The following SSTR4 variants were observed in gnomAD, a reference collection of about 807,000 sequenced individuals.
The protein encoded by SSTR4 is somatostatin receptor 4, also known as somatostatin receptor type 4.
For synonymous variants in SSTR4, 272 were observed against 246.3 expected, an observed-to-expected ratio of 1.10 and a Z score of -0.98; for missense variants, 649 against 540.6, an observed-to-expected ratio of 1.20 and a Z score of -1.99.
Position 23,036,372 on chromosome 20 carries a change from C to A in SSTR4, c.889C>A (p.Leu297Ile), listed in dbSNP as rs761434389. The change falls in exon 1 of 1, where the codon CTT (leucine) becomes ATT (isoleucine). Residue 297 changes from leucine (L) to isoleucine (I), a missense_variant. Physicochemically the swap from Leu to Ile is conservative, Grantham distance 5 (BLOSUM62 2). Coordinates refer to ENST00000255008, the MANE Select transcript of SSTR4 (RefSeq NM_001052.4). ...SLDATVNHVS[L>I]ILSYANSCAN... is the part of the protein sequence containing the mutation. ...TGATGCCACCGTCAACCACGTGTCC[C>A]TTATCCTTAGCTATGCCAACAGCTG... 6.8e-6 allele frequency: 11 copies of A among 1,614,026 alleles called. No homozygotes were observed. The highest frequency in any genetic ancestry group is 9.3e-6 in the Non-Finnish European group (11 of 1,180,020).
rs375423682 is a variant in SSTR4, at chr20:23,036,199, G to A, written c.716G>A (p.Arg239His). The change falls in exon 1 of 1, where the codon CGC becomes CAC. Residue 239 changes from arginine to histidine, a missense_variant. Arg to His is a conservative substitution (Grantham distance 29). Transcript: ENST00000255008. ...TACCTGCTCATCGTGGGCAAGATGC[G>A]CGCCGTGGCCCTGCGCGCTGGCTGG... ...LCYLLIVGKM[R>H]AVALRAGWQQ... 4 of 1,612,608 alleles carry A rather than the reference G, an allele frequency of 2.5e-6. No homozygotes were observed. The highest frequency in any genetic ancestry group is 3.3e-5 in the Admixed American group (2 of 59,910).
chr20:23,036,613 G>A lies in SSTR4; in HGVS notation c.1130G>A (p.Arg377His), dbSNP rs547237308. The change falls in exon 1 of 1, where the codon CGC (arginine) becomes CAC (histidine). Residue 377 changes from arginine (R) to histidine (H), a missense_variant. Coordinates refer to ENST00000255008, the MANE Select transcript of SSTR4 (RefSeq NM_001052.4). ...GAAGCCCTGCAACCAGAACCCGGCCGCAAGCGCATCCCCCTCACCAGGACC... is the reference window on the plus strand; with the variant it reads ...GAAGCCCTGCAACCAGAACCCGGCCACAAGCGCATCCCCCTCACCAGGACC... ...QQEALQPEPGRKRIPLTRTTT... is the reference protein window; with the variant it reads ...QQEALQPEPGHKRIPLTRTTT... 7 of 1,570,986 alleles carry A rather than the reference G, an allele frequency of 4.5e-6. No individual in the cohort carries two copies. The highest frequency in any genetic ancestry group is 3.6e-5 in the South Asian group (3 of 82,630).
At position 23,036,368 on chromosome 20, in the gene SSTR4, G is replaced by A. The variant is rs1449257855; in HGVS notation, c.885G>A (p.Val295=). ...GCCTTGATGCCACCGTCAACCACGT[G>A]TCCCTTATCCTTAGCTATGCCAACA... is the stretch of plus-strand genomic sequence containing the variant. The part of the protein sequence containing the change: ...VTSLDATVNH[V]SLILSYANSC... Residue 295 remains valine, a synonymous_variant, in exon 1 of 1, where the codon GTG becomes GTA. Coordinates refer to ENST00000255008, the MANE Select transcript of SSTR4 (RefSeq NM_001052.4). 1.2e-6 allele frequency: 2 copies of A among 1,613,998 alleles called. No individual in the cohort carries two copies. Among genetic ancestry groups the A allele is most frequent in the Admixed American group, 1.7e-5 (1 of 60,014 alleles).
Position 23,035,780 on chromosome 20 carries a change from C to T in SSTR4, c.297C>T (p.Ser99=). Residue 99 remains serine (S), a synonymous_variant, in exon 1 of 1, where the codon AGC becomes AGT. Transcript: ENST00000255008. ...LAVADELFML[S]VPFVASSAAL... ...TAGCCGACGAGCTCTTCATGCTGAG[C>T]GTGCCCTTCGTGGCCTCGTCGGCCG... 6.3e-7 allele frequency: 1 copy of T among 1,594,502 alleles called. No homozygotes were observed. Among genetic ancestry groups the T allele is most frequent in the Non-Finnish European group, 8.5e-7 (1 of 1,169,622 alleles).
rs370078614 is a variant in SSTR4 at position 23,035,933 on chromosome 20, C to A, written c.450C>A (p.His150Gln). The change falls in exon 1 of 1, where the codon CAC becomes CAA. Residue 150 changes from histidine (H) to glutamine (Q), a missense_variant. By Grantham distance (24) the His-to-Gln change is conservative. Transcript: ENST00000255008. ...LSVDRYVAVVHPLRAATYRRP... is the reference protein window; with the variant it reads ...LSVDRYVAVVQPLRAATYRRP... Reference sequence around the variant, plus strand: ...TGGACCGCTACGTGGCCGTGGTGCACCCTCTGCGCGCGGCGACCTACCGGC... The same window carrying A: ...TGGACCGCTACGTGGCCGTGGTGCAACCTCTGCGCGCGGCGACCTACCGGC... 1.2e-5 allele frequency: 19 copies of A among 1,612,164 alleles called. No homozygotes were observed. Among genetic ancestry groups the A allele is most frequent in the Non-Finnish European group, 1.6e-5 (19 of 1,179,568 alleles).
chr20:23,036,048 C>A lies in SSTR4; in HGVS notation c.565C>A (p.Pro189Thr). 1 of 1,582,594 alleles carries A rather than the reference C, an allele frequency of 6.3e-7. No individual in the cohort carries two copies. The highest frequency in any genetic ancestry group is 8.5e-7 in the Non-Finnish European group (1 of 1,170,702). ...CATCGCCATCTTCGCAGACACCAGA[C>A]CGGCTCGCGGCGGCCAGGCCGTGGC... ...LPIAIFADTR[P>T]ARGGQAVACN... is the part of the protein sequence containing the mutation. Residue 189 changes from proline (P) to threonine (T), a missense_variant, in exon 1 of 1, where the codon CCG becomes ACG. Physicochemically the swap from Pro to Thr is conservative, Grantham distance 38 (BLOSUM62 -1). Coordinates refer to ENST00000255008, the MANE Select transcript of SSTR4 (RefSeq NM_001052.4).
chr20:23,038,098 C>T lies in SSTR4; in HGVS notation c.*1448C>T, dbSNP rs1395409131. 6.6e-6 allele frequency: 1 copy of T among 152,242 alleles called. No homozygotes were observed. The highest frequency in any genetic ancestry group is 1.5e-5 in the Non-Finnish European group (1 of 68,052). The allele number at this position is 152,242 out of a possible 1,614,324, so 9.4% of individuals were successfully genotyped here. ...GCACACACACAGAGACATCAACCAT[C>T]TCTAATTTGTTGGCACCCACCAGGG... On this transcript the variant is annotated 3_prime_UTR_variant, in exon 1 of 1. Coordinates refer to ENST00000255008, the MANE Select transcript of SSTR4 (RefSeq NM_001052.4).
At position 23,036,188 on chromosome 20, in the gene SSTR4, G is replaced by A. The variant is rs943820753; in HGVS notation, c.705G>A (p.Val235=). 4 of 1,611,888 alleles carry A rather than the reference G, an allele frequency of 2.5e-6. No homozygotes were observed. In the African/African-American group the frequency reaches 5.3e-5, roughly 22 times the overall value. Residue 235 remains valine, a synonymous_variant, in exon 1 of 1, where the codon GTG becomes GTA. Transcript: ENST00000255008. ...LAIGLCYLLI[V]GKMRAVALRA... ...TTGGCCTGTGCTACCTGCTCATCGT[G>A]GGCAAGATGCGCGCCGTGGCCCTGC... is the stretch of plus-strand genomic sequence containing the variant.
In SSTR4 at chr20:23,035,955, C is replaced by T. The variant is rs946677383; in HGVS notation, c.472C>T (p.Arg158Trp). ...GCACCCTCTGCGCGCGGCGACCTACCGGCGGCCCAGCGTGGCCAAGCTCAT... is the reference window on the plus strand; with the variant it reads ...GCACCCTCTGCGCGCGGCGACCTACTGGCGGCCCAGCGTGGCCAAGCTCAT... ...VVHPLRAATY[R>W]RPSVAKLINL... Residue 158 changes from arginine to tryptophan, a missense_variant, in exon 1 of 1, where the codon CGG becomes TGG. Transcript: ENST00000255008. 8 of 1,609,574 alleles carry T rather than the reference C, an allele frequency of 5.0e-6. No individual in the cohort carries two copies. Among genetic ancestry groups the T allele is most frequent in the Non-Finnish European group, 6.8e-6 (8 of 1,178,902 alleles).
rs1425198530 is a variant in SSTR4 at position 23,035,801 on chromosome 20, G to T, written c.318G>T (p.Ser106=). The T allele has an allele frequency of 4.4e-6, 7 of 1,590,376 alleles. No homozygotes were observed. The highest frequency in any genetic ancestry group is 2.3e-5 in the East Asian group (1 of 44,322). ...FMLSVPFVAS[S]AALRHWPFGS... Reference sequence around the variant, plus strand: ...TGAGCGTGCCCTTCGTGGCCTCGTCGGCCGCCCTGCGCCACTGGCCCTTCG... The same window carrying T: ...TGAGCGTGCCCTTCGTGGCCTCGTCTGCCGCCCTGCGCCACTGGCCCTTCG... Residue 106 remains serine (S), a synonymous_variant, in exon 1 of 1, where the codon TCG becomes TCT. Coordinates refer to ENST00000255008, the MANE Select transcript of SSTR4 (RefSeq NM_001052.4).
chr20:23,035,542 C>G lies in SSTR4; in HGVS notation c.59C>G (p.Pro20Arg), dbSNP rs750072389. 1 of 1,593,808 alleles carries G rather than the reference C, an allele frequency of 6.3e-7. No individual in the cohort carries two copies. The highest frequency in any genetic ancestry group is 1.1e-5 in the South Asian group (1 of 89,572). ...GAGGAAGGGCTGGGGACGGCCTGGC[C>G]CTCTGCAGCCAATGCCAGTAGCGCT... ...GGEEGLGTAW[P>R]SAANASSAPA... The change falls in exon 1 of 1, where the codon CCC becomes CGC. Residue 20 changes from proline (P) to arginine (R), a missense_variant. Coordinates refer to ENST00000255008, the MANE Select transcript of SSTR4 (RefSeq NM_001052.4).
rs1984403848 is a variant in SSTR4 at position 23,039,067 on chromosome 20, A to G, written c.*2417A>G. 6.6e-6 allele frequency: 1 copy of G among 152,220 alleles called. No individual in the cohort carries two copies. The highest frequency in any genetic ancestry group is 2.4e-5 in the African/African-American group (1 of 41,460). 9.4% of individuals were successfully genotyped at this position (152,220 alleles called of 1,614,324 possible). ...ACCCTCCCTTGTAGTTTGTGTACAG[A>G]AGACTGCAATGAATTGAAGTCATGA... On this transcript the variant is annotated 3_prime_UTR_variant, in exon 1 of 1. Transcript: ENST00000255008.
rs1444295480 is a variant in SSTR4, at chr20:23,035,392, G to T, written c.-92G>T. The T allele has an allele frequency of 2.0e-6, 2 of 990,200 alleles. No individual in the cohort carries two copies. Among genetic ancestry groups the T allele is most frequent in the Non-Finnish European group, 2.6e-6 (2 of 772,436 alleles). 61.3% of individuals were successfully genotyped at this position (990,200 alleles called of 1,614,324 possible). A position where few individuals can be genotyped will look rare whatever the true frequency, so the allele number is the denominator to read the frequency against. ...TAGCCGGGAAGAGCCGCGCGTCTGC[G>T]CGCCAGCCCCCGCCCTGGGCCCGCC... On this transcript the variant is annotated 5_prime_UTR_variant, in exon 1 of 1. Coordinates refer to ENST00000255008, the MANE Select transcript of SSTR4 (RefSeq NM_001052.4).
rs762040169 is a variant in SSTR4, at chr20:23,036,132, C to T, written c.649C>T (p.Leu217=). 1.2e-6 allele frequency: 2 copies of T among 1,605,966 alleles called. No homozygotes were observed. Among genetic ancestry groups the T allele is most frequent in the Non-Finnish European group, 1.7e-6 (2 of 1,179,790 alleles). Residue 217 remains leucine (L), a synonymous_variant, in exon 1 of 1, where the codon CTG becomes TTG. Coordinates refer to ENST00000255008, the MANE Select transcript of SSTR4 (RefSeq NM_001052.4). ...WSAVFVVYTF[L]LGFLLPVLAI... ...GGCAGTCTTCGTGGTCTACACTTTC[C>T]TGCTGGGCTTCCTGCTGCCCGTGCT...
In SSTR4 at chr20:23,035,802, G is replaced by C; in HGVS notation, c.319G>C (p.Ala107Pro). 2 of 1,589,752 alleles carry C rather than the reference G, an allele frequency of 1.3e-6. No homozygotes were observed. The highest frequency in any genetic ancestry group is 1.7e-6 in the Non-Finnish European group (2 of 1,167,488). ...GAGCGTGCCCTTCGTGGCCTCGTCG[G>C]CCGCCCTGCGCCACTGGCCCTTCGG... ...MLSVPFVASS[A>P]ALRHWPFGSV... The change falls in exon 1 of 1, where the codon GCC becomes CCC. Residue 107 changes from alanine to proline, a missense_variant. Ala to Pro is a conservative substitution (Grantham distance 27). Transcript: ENST00000255008.
chr20:23,035,897 C>G lies in SSTR4; in HGVS notation c.414C>G (p.Thr138=), dbSNP rs2122652276. 4 of 1,612,942 alleles carry G rather than the reference C, an allele frequency of 2.5e-6. No homozygotes were observed. Among genetic ancestry groups the G allele is most frequent in the Non-Finnish European group, 2.5e-6 (3 of 1,179,566 alleles). ...LNMFTSVFCL[T]VLSVDRYVAV... The stretch of plus-strand genomic sequence containing the variant: ...TGTTCACCAGCGTCTTCTGTCTCAC[C>G]GTGCTCAGCGTGGACCGCTACGTGG... The change falls in exon 1 of 1, where the codon ACC becomes ACG. Residue 138 remains threonine (T), a synonymous_variant. Coordinates refer to ENST00000255008, the MANE Select transcript of SSTR4 (RefSeq NM_001052.4).
In SSTR4 at chr20:23,037,695, G is replaced by A. The variant is rs575173881; in HGVS notation, c.*1045G>A. ...TCTTTCCCAAAGGGAAAGAGCTTAA[G>A]AGGAGCTCTAATTCTGCTTTCTGAT... On this transcript the variant is annotated 3_prime_UTR_variant, in exon 1 of 1. Coordinates refer to ENST00000255008, the MANE Select transcript of SSTR4 (RefSeq NM_001052.4). 3.3e-5 allele frequency among the ~76,000 whole-genome samples: 5 copies of A among 152,240 alleles called. No homozygotes were observed. Among genetic ancestry groups the A allele is most frequent in the South Asian group, 2.1e-4 (1 of 4,828 alleles).
At position 23,036,595 on chromosome 20, in the gene SSTR4, T is replaced by G; in HGVS notation, c.1112T>G (p.Leu371Arg). ...CPPLPCQQEALQPEPGRKRIP... is the reference protein window; with the variant it reads ...CPPLPCQQEARQPEPGRKRIP... Reference sequence around the variant, plus strand: ...CCACTCCCCTGCCAGCAGGAAGCCCTGCAACCAGAACCCGGCCGCAAGCGC... The same window carrying G: ...CCACTCCCCTGCCAGCAGGAAGCCCGGCAACCAGAACCCGGCCGCAAGCGC... The change falls in exon 1 of 1, where the codon CTG (leucine) becomes CGG (arginine). Residue 371 changes from leucine (L) to arginine (R), a missense_variant. Leu to Arg is a moderately radical substitution (Grantham distance 102). Coordinates refer to ENST00000255008, the MANE Select transcript of SSTR4 (RefSeq NM_001052.4). 6.3e-7 allele frequency: 1 copy of G among 1,589,460 alleles called. No individual in the cohort carries two copies. Among genetic ancestry groups the G allele is most frequent in the South Asian group, 1.1e-5 (1 of 86,996 alleles).
In SSTR4 at chr20:23,036,365, C is replaced by T. The variant is rs910846719; in HGVS notation, c.882C>T (p.His294=). Reference sequence around the variant, plus strand: ...CCAGCCTTGATGCCACCGTCAACCACGTGTCCCTTATCCTTAGCTATGCCA... The same window carrying T: ...CCAGCCTTGATGCCACCGTCAACCATGTGTCCCTTATCCTTAGCTATGCCA... The part of the protein sequence containing the change: ...FVTSLDATVN[H]VSLILSYANS... The change falls in exon 1 of 1, where the codon CAC becomes CAT. Residue 294 remains histidine (H), a synonymous_variant. Coordinates refer to ENST00000255008, the MANE Select transcript of SSTR4 (RefSeq NM_001052.4). 6.2e-7 allele frequency: 1 copy of T among 1,614,160 alleles called. No homozygotes were observed. Among genetic ancestry groups the T allele is most frequent in the East Asian group, 2.2e-5 (1 of 44,860 alleles).
Sources: gnomAD v4.1 joint callset for allele counts (sites outside exome capture counted in the v4.1 genomes callset) on GRCh38, gnomAD v4.1.1 for gene constraint, MANE v1.5 for transcripts, NCBI Gene and HGNC (gene_info 2026-07-23, HGNC 2026-07-21) for gene names.